Variants in TUSC3 observed in about 807,000 individuals in gnomAD.
TUSC3 encodes the protein dolichyl-diphosphooligosaccharide--protein glycosyltransferase subunit TUSC3.
Under a neutral mutation model 44.8 loss-of-function variants are expected in TUSC3, and 45 were observed. The observed-to-expected ratio is 1.00, with a 90% confidence interval of 0.79 to 1.29. TUSC3 has a LOEUF of 1.29. Ranked by LOEUF, TUSC3 falls within the 50% of genes most tolerant of loss-of-function variation. The probability of loss-of-function intolerance (pLI) is 0.00; values close to 1 mark genes in which losing one functional copy is unlikely to be tolerated. For missense variants in TUSC3, 519 were observed against 437.9 expected (o/e 1.19, Z -1.65); for synonymous variants, 212 against 152.9 (o/e 1.39, Z -2.85).
chr8:15,730,147 T>C (rs1810659051), intron 6 of TUSC3, among the ~76,000 whole-genome samples: 1 of 152,132 alleles, frequency 6.6e-6, no homozygotes, highest in African/African-American at 2.4e-5. Flanking sequence ...TCAACTGTTA[T>C]CAACTATATA....
At chr8:15,439,707 T>A (rs893094002) in intron 1 of TUSC3, among the ~76,000 whole-genome samples, 6 of 152,240 alleles carry the variant, frequency 3.9e-5, no homozygotes, top group African/African-American at 1.4e-4. Flanking sequence ...AGAGTAGTTC[T>A]TTTTTATTTT....
upstream of TUSC3, among the ~76,000 whole-genome samples, chr8:15,537,342 T>C (rs1801538769): frequency 6.6e-6 from 1 of 152,188 alleles, no homozygotes; most frequent in Non-Finnish European, 1.5e-5. Flanking sequence ...CCTGCCTTTC[T>C]GAACGAAACC....
intron 2 of TUSC3, among the ~76,000 whole-genome samples, chr8:15,483,708 T>C (rs1050937350): frequency 1.4e-5 from 2 of 139,104 alleles, no homozygotes; most frequent in Admixed American, 8.2e-5. Context: ...CATGCTGGAG[T>C]GCAGTGGTGC....
intron 1 of TUSC3, among the ~76,000 whole-genome samples, chr8:15,573,651 A>C (rs1802977414): frequency 6.6e-6 from 1 of 151,974 alleles, no homozygotes; most frequent in Admixed American, 6.6e-5. Flanking sequence ...GAACCCTCAG[A>C]CTTTTAAAGG....
intron 1 of TUSC3, among the ~76,000 whole-genome samples, chr8:15,478,239 G>A (rs574426036): frequency 5.9e-5 from 9 of 152,256 alleles, no homozygotes; most frequent in Admixed American, 2.6e-4. Flanking sequence ...GTGCTGGGAT[G>A]ACAGGGGTGA....
At chr8:15,562,442 A>G (rs868422858) in intron 1 of TUSC3, among the ~76,000 whole-genome samples, 2 of 152,150 alleles carry the variant, frequency 1.3e-5, no homozygotes, top group Non-Finnish European at 2.9e-5. Flanking sequence ...TGGGTATATT[A>G]GTTTTATATT....
rs773168663 is a variant in TUSC3 at position 15,749,321 on chromosome 8, C to T, written c.1028+856C>T. ...CTGTGAGCAGTGGACATTTTTAGAA[C>T]GTTTCCACACAGATCATAGCAGCAA... is the stretch of plus-strand genomic sequence containing the variant. On this transcript the variant is annotated intron_variant, in intron 9 of 10. Coordinates refer to ENST00000503731, the MANE Select transcript of TUSC3 (RefSeq NM_006765.4). Among the ~76,000 whole-genome samples, 7 of 152,184 alleles carry T rather than the reference C, an allele frequency of 4.6e-5. No individual in the cohort carries two copies. The East Asian group carries it at 1.2e-3, about 25-fold the overall frequency.
intron 1 of TUSC3, among the ~76,000 whole-genome samples, chr8:15,593,970 C>G (rs1259489312): frequency 2.0e-5 from 3 of 152,166 alleles, no homozygotes; most frequent in African/African-American, 7.2e-5. Flanking sequence ...GTCCCTGTCA[C>G]TCTTTCTGCA....
chr8:15,517,552 A>G (rs1461704607), intron 2 of TUSC3, among the ~76,000 whole-genome samples: 1 of 134,558 alleles, frequency 7.4e-6, no homozygotes, highest in East Asian at 2.0e-4. Context: ...AAAAAAAAAA[A>G]AAAAGCCCAC....
chr8:15,754,104 C>G (rs1283841824), intron 9 of TUSC3, among the ~76,000 whole-genome samples: 1 of 151,950 alleles, frequency 6.6e-6, no homozygotes, highest in Non-Finnish European at 1.5e-5. Flanking sequence ...AAAAACTACT[C>G]ACATCAGATA....
At chr8:15,821,391 C>T in the TUSC3 span, among the ~76,000 whole-genome samples, 2 of 123,244 alleles carry the variant, frequency 1.6e-5, no homozygotes, top group Non-Finnish European at 1.7e-5. Context: ...GGGGAGTAGT[C>T]CTGTTTGTGG....
intron 1 of TUSC3, among the ~76,000 whole-genome samples, chr8:15,576,497 T>C (rs1287095214): frequency 3.2e-5 from 4 of 124,796 alleles, no homozygotes; most frequent in African/African-American, 1.2e-4. Flanking sequence ...GAGTGTGATA[T>C]TCCCCTTCCT....
intron 1 of TUSC3, among the ~76,000 whole-genome samples, chr8:15,471,593 A>C (rs760224598): frequency 2.0e-5 from 3 of 151,852 alleles, no homozygotes; most frequent in Non-Finnish European, 4.4e-5. Context: ...AAATTTACTT[A>C]TAACGGAAAT....
intron 10 of TUSC3, 150 bp from the exon 11 acceptor site, chr8:15,764,053 T>C (rs993664690): frequency 6.5e-6 from 5 of 768,478 alleles, no homozygotes; most frequent in African/African-American, 1.8e-5. Flanking sequence ...TTTAGAAAAA[T>C]TGCCCTGATG....
At chr8:15,692,218 G>C (rs750460865) in intron 6 of TUSC3, among the ~76,000 whole-genome samples, 1 of 151,972 alleles carries the variant, frequency 6.6e-6, no homozygotes, top group Admixed American at 6.6e-5. Flanking sequence ...GCTGGATTTA[G>C]TTTGCTAGTA....
intron 2 of TUSC3, among the ~76,000 whole-genome samples, chr8:15,637,827 T>C (rs758649356): frequency 1.3e-5 from 2 of 152,058 alleles, no homozygotes; most frequent in Non-Finnish European, 2.9e-5. Flanking sequence ...GCTCACTTCT[T>C]CCTCCCTCCT....
At chr8:15,711,340 G>C (rs1034561252) in intron 6 of TUSC3, among the ~76,000 whole-genome samples, 5 of 151,448 alleles carry the variant, frequency 3.3e-5, no homozygotes, top group Non-Finnish European at 5.9e-5. Context: ...ATATTATTTA[G>C]AAGATTGAAA....
intron 1 of TUSC3, among the ~76,000 whole-genome samples, chr8:15,541,196 T>G (rs1440398797): frequency 6.6e-6 from 1 of 152,244 alleles, no homozygotes; most frequent in Non-Finnish European, 1.5e-5. Flanking sequence ...TTATTTTATG[T>G]GGATTTATTT....
the TUSC3 span, among the ~76,000 whole-genome samples, chr8:15,774,730 A>G: frequency 1.3e-5 from 2 of 152,150 alleles, no homozygotes; most frequent in East Asian, 3.8e-4. Flanking sequence ...AAGGTGCTCA[A>G]TGTCATCAGT....
Sources: allele counts gnomAD v4.1 joint callset (sites outside exome capture counted in the v4.1 genomes callset), GRCh38; gene constraint gnomAD v4.1.1; transcripts MANE v1.5; gene names NCBI Gene and HGNC (gene_info 2026-07-23, HGNC 2026-07-21).